Variants in WDR70 observed in about 807,000 individuals in gnomAD.
WDR70 encodes WD repeat domain 70, also known as WD repeat-containing protein 70.
WDR70 carries 53 observed loss-of-function variants against 88.6 expected under a neutral mutation model. That is an observed-to-expected ratio of 0.60 (90% CI 0.48 to 0.75). WDR70 has a LOEUF of 0.75. Among genes scored for constraint, WDR70 ranks in the 30% least tolerant of loss-of-function variants. The probability of loss-of-function intolerance (pLI) is 0.00; values close to 1 mark genes in which losing one functional copy is unlikely to be tolerated. For synonymous variants in WDR70, 280 were observed against 270.0 expected, an observed-to-expected ratio of 1.04 and a Z score of -0.36; for missense variants, 610 against 823.2, an observed-to-expected ratio of 0.74 and a Z score of 3.17.
At chr5:37,599,436 T>G (rs1479770066) in intron 9 of WDR70, among the ~76,000 whole-genome samples, 1 of 152,250 alleles carries the variant, frequency 6.6e-6, no homozygotes, top group Non-Finnish European at 1.5e-5. Context: ...AAAAAGGTCT[T>G]ATGATATCTA....
chr5:37,669,654 T>A (rs1745965007), intron 10 of WDR70, among the ~76,000 whole-genome samples: 2 of 151,830 alleles, frequency 1.3e-5, no homozygotes, highest in African/African-American at 4.8e-5. Flanking sequence ...GTGTAAGAGA[T>A]TTACTGGGGA....
chr5:37,487,539 T>C (rs1739911460), intron 8 of WDR70, among the ~76,000 whole-genome samples: 1 of 148,786 alleles, frequency 6.7e-6, no homozygotes, highest in African/African-American at 2.5e-5. Context: ...ATTAAGTTGT[T>C]ATATTATTAA....
chr5:37,587,314 T>G (rs1399642952), intron 9 of WDR70, among the ~76,000 whole-genome samples: 1 of 151,988 alleles, frequency 6.6e-6, no homozygotes, highest in African/African-American at 2.4e-5. Flanking sequence ...GCCCACTGTG[T>G]ACTTCATCCT....
intron 9 of WDR70, among the ~76,000 whole-genome samples, chr5:37,561,247 G>A (rs1487731539): frequency 2.6e-5 from 4 of 152,092 alleles, no homozygotes; most frequent in Admixed American, 2.6e-4. Flanking sequence ...ACGAAGACGG[G>A]ACAATTTGTA....
intron 17 of WDR70, among the ~76,000 whole-genome samples, chr5:37,751,948 G>A (rs1298866019): frequency 3.9e-5 from 6 of 152,172 alleles, no homozygotes; most frequent in East Asian, 1.9e-4. Context: ...GTAGGAATGC[G>A]GGGGATATTC....
At chr5:37,551,669 A>G (rs1252488936) in intron 9 of WDR70, among the ~76,000 whole-genome samples, 2 of 148,862 alleles carry the variant, frequency 1.3e-5, no homozygotes, top group Admixed American at 6.7e-5. Flanking sequence ...TGGAGGTTGC[A>G]GTGAGCTGAG....
At chr5:37,472,407 C>T (rs1292588395) in intron 7 of WDR70, among the ~76,000 whole-genome samples, 5 of 151,754 alleles carry the variant, frequency 3.3e-5, no homozygotes, top group Non-Finnish European at 7.4e-5. Flanking sequence ...TTTTGTTTTA[C>T]TCAATAAAAT....
At chr5:37,680,160 T>C (rs1303274287) in intron 10 of WDR70, among the ~76,000 whole-genome samples, 6 of 71,718 alleles carry the variant, frequency 8.4e-5, no homozygotes, top group Non-Finnish European at 1.5e-4. Flanking sequence ...ATGTTGAGCT[T>C]TTTTTTTTTT....
intron 6 of WDR70, among the ~76,000 whole-genome samples, chr5:37,441,492 G>A (rs1040869164): frequency 6.6e-6 from 1 of 151,966 alleles, no homozygotes; most frequent in Non-Finnish European, 1.5e-5. Flanking sequence ...CTATTTATTA[G>A]GAGAACTGAT....
intron 9 of WDR70, among the ~76,000 whole-genome samples, chr5:37,570,964 C>T (rs1011083582): frequency 4.6e-5 from 7 of 152,072 alleles, no homozygotes. Flanking sequence ...TTGTGTACAT[C>T]TCTGTGCTCT....
intron 9 of WDR70, among the ~76,000 whole-genome samples, chr5:37,599,241 C>G (rs1322705992): frequency 6.6e-6 from 1 of 151,964 alleles, no homozygotes; most frequent in East Asian, 1.9e-4. Context: ...TATATAAAAC[C>G]CAGAGTAATG....
intron 5 of WDR70, among the ~76,000 whole-genome samples, chr5:37,417,790 TC>T (rs937795465): frequency 3.3e-5 from 5 of 152,190 alleles, no homozygotes; most frequent in African/African-American, 1.2e-4. Flanking sequence ...CAAGTGATCC[TC>T]TTGCCTTGGC....
chr5:37,479,241 T>G (rs539431896), intron 7 of WDR70, among the ~76,000 whole-genome samples: 8 of 152,134 alleles, frequency 5.3e-5, no homozygotes, highest in African/African-American at 1.9e-4. Flanking sequence ...ATTTAACAGC[T>G]GAAAGAGGGA....
intron 9 of WDR70, among the ~76,000 whole-genome samples, chr5:37,578,308 C>G (rs1344436287): frequency 7.3e-6 from 1 of 137,708 alleles, no homozygotes; most frequent in Admixed American, 7.8e-5. Context: ...ATAAATAGGT[C>G]AACATTTTTA....
chr5:37,435,415 A>G (rs891710377), intron 5 of WDR70, among the ~76,000 whole-genome samples: 2 of 152,126 alleles, frequency 1.3e-5, no homozygotes, highest in Non-Finnish European at 2.9e-5. Flanking sequence ...GAGAGTAGTG[A>G]CTCAGATTAT....
At chr5:37,588,676 A>T (rs1479566127) in intron 9 of WDR70, among the ~76,000 whole-genome samples, 1 of 152,144 alleles carries the variant, frequency 6.6e-6, no homozygotes, top group Non-Finnish European at 1.5e-5. Context: ...TCCTGGGCTC[A>T]AGTGATCCTC....
intron 9 of WDR70, among the ~76,000 whole-genome samples, chr5:37,553,066 C>T (rs924249260): frequency 6.6e-6 from 1 of 152,134 alleles, no homozygotes; most frequent in South Asian, 2.1e-4. Context: ...GTCCTATTGT[C>T]AATTTCTGGA....
chr5:37,607,708 C>A (rs1283083535), intron 10 of WDR70, among the ~76,000 whole-genome samples: 1 of 152,136 alleles, frequency 6.6e-6, no homozygotes, highest in Non-Finnish European at 1.5e-5. Context: ...ACTTAATGGA[C>A]AATATAGACC....
At chr5:37,380,034 C>T (rs1748376203) in intron 2 of WDR70, among the ~76,000 whole-genome samples, 1 of 152,096 alleles carries the variant, frequency 6.6e-6, no homozygotes, top group African/African-American at 2.4e-5. Context: ...TTAAGAATGC[C>T]ATTTTTACCA....
Sources: allele counts gnomAD v4.1 joint callset (sites outside exome capture counted in the v4.1 genomes callset), GRCh38; gene constraint gnomAD v4.1.1; transcripts MANE v1.5; gene names NCBI Gene and HGNC (gene_info 2026-07-23, HGNC 2026-07-21).